The following JPH3 variants were observed in gnomAD, a reference collection of about 807,000 sequenced individuals.
JPH3 encodes the protein junctophilin 3.
In JPH3, 11 loss-of-function variants were observed where a neutral mutation model predicts 59.6. That is an observed-to-expected ratio of 0.18 (90% confidence interval 0.12 to 0.31). The LOEUF is 0.31. JPH3 is among the 10% of genes least tolerant of loss of function. The pLI is 1.00. For missense variants in JPH3, 1,202 were observed against 1,105.7 expected (o/e 1.09, Z -1.24); for synonymous variants, 673 against 483.6 (o/e 1.39, Z -5.14).
chr16:87,603,887 G>A (rs1285358749), intron 1 of JPH3, among the ~76,000 whole-genome samples: 1 of 152,230 alleles, frequency 6.6e-6, no homozygotes, highest in Admixed American at 6.5e-5. Context: ...CTGGGAGAAG[G>A]GCCCCTCCCC....
chr16:87,626,295 A>G (rs2031373235), intron 1 of JPH3, among the ~76,000 whole-genome samples: 1 of 152,162 alleles, frequency 6.6e-6, no homozygotes, highest in Admixed American at 6.5e-5. Flanking sequence ...CAGGCCGCAC[A>G]GTTATCACCA....
chr16:87,683,139 T>C (rs1468701407), intron 2 of JPH3, among the ~76,000 whole-genome samples: 1 of 152,204 alleles, frequency 6.6e-6, no homozygotes, highest in African/African-American at 2.4e-5. Flanking sequence ...AAGTCAGAGT[T>C]GCTGGGATTA....
Position 87,633,170 on chromosome 16 carries a change from G to C in JPH3, c.383-11088G>C, listed in dbSNP as rs189180512. 1.8e-3 allele frequency among the ~76,000 whole-genome samples: 281 copies of C among 152,306 alleles called. 1 individual carries two copies. The highest frequency in any genetic ancestry group is 3.3e-3 in the Admixed American group (50 of 15,306). On this transcript the variant is annotated intron_variant, in intron 1 of 4. Coordinates refer to ENST00000284262, the MANE Select transcript of JPH3 (RefSeq NM_020655.4). ...TTATTTCCTTGCAGTTCTAAGGCTG[G>C]AAGGTCAGGGTCAAGGTGCTGGGAG...
chr16:87,644,101 G>C (rs1471121094), intron 1 of JPH3, among the ~76,000 whole-genome samples, 157 bp from the exon 2 acceptor site: 1 of 152,230 alleles, frequency 6.6e-6, no homozygotes, highest in Non-Finnish European at 1.5e-5. Flanking sequence ...TGGTCTCACT[G>C]CACTCCAGCC....
chr16:87,646,257 G>T (rs1052388551), intron 2 of JPH3, among the ~76,000 whole-genome samples: 28 of 152,314 alleles, frequency 1.8e-4, no homozygotes, highest in African/African-American at 5.5e-4. Flanking sequence ...TTGATCTATA[G>T]TGAAAAACAA....
intron 1 of JPH3, among the ~76,000 whole-genome samples, chr16:87,607,561 G>A (rs1273049649): frequency 6.6e-6 from 1 of 152,260 alleles, no homozygotes; most frequent in East Asian, 1.9e-4. Flanking sequence ...CAAGGACTCT[G>A]AATCTCCACC....
chr16:87,680,390 C>A (rs1190933192), intron 2 of JPH3, among the ~76,000 whole-genome samples: 7 of 152,214 alleles, frequency 4.6e-5, no homozygotes, highest in African/African-American at 1.7e-4. Context: ...CAGAAGGAAG[C>A]GGAGCCCTGG....
At chr16:87,648,939 C>T (rs1423225379) in intron 2 of JPH3, among the ~76,000 whole-genome samples, 1 of 152,218 alleles carries the variant, frequency 6.6e-6, no homozygotes, top group Non-Finnish European at 1.5e-5. Flanking sequence ...GCGTCCCCGG[C>T]TGTCTCCTGT....
chr16:87,658,020 G>A (rs2032564752), intron 2 of JPH3, among the ~76,000 whole-genome samples: 1 of 152,174 alleles, frequency 6.6e-6, no homozygotes, highest in Admixed American at 6.5e-5. Context: ...GACTTCCTGG[G>A]TGTGGAGGGG....
At chr16:87,624,146 A>G (rs1158792383) in intron 1 of JPH3, among the ~76,000 whole-genome samples, 1 of 152,236 alleles carries the variant, frequency 6.6e-6, no homozygotes, top group African/African-American at 2.4e-5. Flanking sequence ...CTGGCTTTTA[A>G]AAAATACAGC....
At chr16:87,670,041 G>C (rs1042237447) in intron 2 of JPH3, among the ~76,000 whole-genome samples, 3 of 152,164 alleles carry the variant, frequency 2.0e-5, no homozygotes, top group Non-Finnish European at 2.9e-5. Flanking sequence ...TCCATTCACA[G>C]GTAGGGACAC....
chr16:87,673,973 A>C (rs972691687), intron 2 of JPH3, among the ~76,000 whole-genome samples: 4 of 151,296 alleles, frequency 2.6e-5, no homozygotes, highest in Admixed American at 6.6e-5. Flanking sequence ...TTAATAAATA[A>C]ATAGAATAAG....
At chr16:87,617,881 G>C (rs2150826950) in intron 1 of JPH3, among the ~76,000 whole-genome samples, 1 of 152,180 alleles carries the variant, frequency 6.6e-6, no homozygotes, top group Non-Finnish European at 1.5e-5. Flanking sequence ...CGAGGGGAGT[G>C]GCTGGGCGCG....
chr16:87,686,618 A>G (rs1232161930), intron 3 of JPH3, among the ~76,000 whole-genome samples: 4 of 116,818 alleles, frequency 3.4e-5, no homozygotes, highest in African/African-American at 6.7e-5. Context: ...ACTTGGAGAT[A>G]CTTCCTGGAG....
chr16:87,638,413 A>G (rs2031829208), intron 1 of JPH3, among the ~76,000 whole-genome samples: 1 of 152,140 alleles, frequency 6.6e-6, no homozygotes, highest in African/African-American at 2.4e-5. Context: ...GGTGCTGTTC[A>G]TGGCCGGAAC....
chr16:87,668,719 G>T (rs1231370179), intron 2 of JPH3, among the ~76,000 whole-genome samples: 1 of 152,120 alleles, frequency 6.6e-6, no homozygotes, highest in Non-Finnish European at 1.5e-5. Flanking sequence ...TCTCTAAATG[G>T]GGCCTTTCCT....
intron 1 of JPH3, among the ~76,000 whole-genome samples, chr16:87,636,400 G>A (rs1204398185): frequency 1.3e-5 from 2 of 152,230 alleles, no homozygotes; most frequent in African/African-American, 2.4e-5. Flanking sequence ...GGGGGTGGCC[G>A]AGCTGATGGT....
chr16:87,657,131 G>GAGGCC (rs2032529090), intron 2 of JPH3, among the ~76,000 whole-genome samples: 1 of 152,206 alleles, frequency 6.6e-6, no homozygotes, highest in African/African-American at 2.4e-5. Flanking sequence ...GTGTTAGGAG[G>GAGGCC]AGGCCAGGCC....
intron 3 of JPH3, among the ~76,000 whole-genome samples, chr16:87,685,039 C>G (rs2033383650): frequency 1.3e-5 from 2 of 152,202 alleles, no homozygotes; most frequent in Admixed American, 1.3e-4. Context: ...GGATGAGGCT[C>G]TGCGCGCTGG....
Sources: allele counts gnomAD v4.1 joint callset (sites outside exome capture counted in the v4.1 genomes callset), GRCh38; gene constraint gnomAD v4.1.1; transcripts MANE v1.5; gene names NCBI Gene and HGNC (gene_info 2026-07-23, HGNC 2026-07-21).